The following FBXO28 variants were observed in gnomAD, a reference collection of about 807,000 sequenced individuals.
The protein encoded by FBXO28 is F-box only protein 28.
FBXO28 carries 8 observed loss-of-function variants against 38.1 expected under a neutral mutation model. The observed-to-expected ratio is 0.21, with a 90% confidence interval of 0.12 to 0.38. The LOEUF (loss-of-function observed/expected upper bound fraction) is 0.38, where lower values mean the gene tolerates loss of function less well. FBXO28 is among the 10% of genes least tolerant of loss of function. The probability of loss-of-function intolerance (pLI) is 1.00; values close to 1 mark genes in which losing one functional copy is unlikely to be tolerated. For missense variants in FBXO28, 345 were observed against 460.6 expected (o/e 0.75, Z 2.30); for synonymous variants, 168 against 173.8 (o/e 0.97, Z 0.26).
Position 224,157,465 on chromosome 1 carries a change from A to T in FBXO28, c.826A>T (p.Thr276Ser). The change falls in exon 5 of 5, where the codon ACT becomes TCT. Residue 276 changes from threonine to serine, a missense_variant. This residue lies in a region of FBXO28 where 151 missense variants were observed against 188.3 expected (regional missense o/e 0.80). Transcript: ENST00000366862. The stretch of plus-strand genomic sequence containing the variant: ...GGTTAAAACAAATGGTGCTGGCGTG[A>T]CTGTTCTCAGGCGTGAAATTTCTGA... Reference protein sequence around the residue: ...QQVKTNGAGVTVLRREISELR... With the variant: ...QQVKTNGAGVSVLRREISELR... The T allele has an allele frequency of 6.2e-7, 1 of 1,614,272 alleles. No individual in the cohort carries two copies. The highest frequency in any genetic ancestry group is 1.3e-5 in the African/African-American group (1 of 75,078).
chr1:224,131,268 C>A (rs1049137444), intron 2 of FBXO28, among the ~76,000 whole-genome samples: 1 of 151,374 alleles, frequency 6.6e-6, no homozygotes, highest in Non-Finnish European at 1.5e-5. Context: ...TTTTTGTAAC[C>A]CCTGTCAAAA....
chr1:224,150,329 A>T (rs1222735999), intron 3 of FBXO28, among the ~76,000 whole-genome samples: 1 of 152,192 alleles, frequency 6.6e-6, no homozygotes, highest in Non-Finnish European at 1.5e-5. Flanking sequence ...TGAAAAAATT[A>T]TGGAGTACTG....
At chr1:224,130,440 T>G in intron 1 of FBXO28, 32 bp from the exon 2 acceptor site, 2 of 1,279,524 alleles carry the variant, frequency 1.6e-6, no homozygotes, top group East Asian at 2.6e-5. Context: ...ATTAATTTGG[T>G]TATTGATTTT....
intron 3 of FBXO28, among the ~76,000 whole-genome samples, chr1:224,141,334 G>A (rs1657343350): frequency 6.6e-6 from 1 of 150,684 alleles, no homozygotes; most frequent in East Asian, 2.0e-4. Context: ...AGCCAGGCAT[G>A]GTGGCGGGTG....
At chr1:224,135,634 AAG>A (rs1657162798) in intron 3 of FBXO28, among the ~76,000 whole-genome samples, 14 of 142,396 alleles carry the variant, frequency 9.8e-5, no homozygotes, top group Non-Finnish European at 1.8e-4. Context: ...AAAAAAAAAA[AAG>A]AAAAAGAAAA....
chr1:224,114,529 C>T, intron 1 of FBXO28, 133 bp downstream of exon 1: 1 of 706,264 alleles, frequency 1.4e-6, no homozygotes, highest in Non-Finnish European at 2.3e-6. Flanking sequence ...GGAGCCGCTC[C>T]CGTCCCGAAC....
At position 224,142,398 on chromosome 1, in the gene FBXO28, C is replaced by G. The variant is rs184691555; in HGVS notation, c.516+8186C>G. Among the ~76,000 whole-genome samples the G allele has an allele frequency of 1.1e-3, 166 of 152,046 alleles. 1 individual carries two copies. The East Asian group carries it at 0.018, about 17-fold the overall frequency. ...AGGCATGGTGGCTCATGCCTGTAATCAATCCCAACACCTAGGCCAAGGTAG... is the reference window on the plus strand; with the variant it reads ...AGGCATGGTGGCTCATGCCTGTAATGAATCCCAACACCTAGGCCAAGGTAG... On this transcript the variant is annotated intron_variant, in intron 3 of 4. Transcript: ENST00000366862.
At position 224,132,673 on chromosome 1, in the gene FBXO28, C is replaced by T. The variant is rs149196257; in HGVS notation, c.378-1401C>T. Among the ~76,000 whole-genome samples, 1,035 of 152,012 alleles carry T rather than the reference C, an allele frequency of 6.8e-3. 9 individuals are homozygous for T. Among genetic ancestry groups the T allele is most frequent in the African/African-American group, 0.024 (977 of 41,452 alleles). On this transcript the variant is annotated intron_variant, in intron 2 of 4. Transcript: ENST00000366862. ...TAGGAAAATTAGCCAGGCATGATGT[C>T]GGGTGCCTATAATCCCAGCTTCTTA...
rs552641967 is a variant in FBXO28, at chr1:224,143,621, G to A, written c.516+9409G>A. Among the ~76,000 whole-genome samples, 86 of 151,726 alleles carry A rather than the reference G, an allele frequency of 5.7e-4. 1 individual carries two copies. The highest frequency in any genetic ancestry group is 1.2e-3 in the Admixed American group (19 of 15,212). On this transcript the variant is annotated intron_variant, in intron 3 of 4. Transcript: ENST00000366862. ...GGGCAGATCACGAGGTCAGGTGATC[G>A]AGACCATCCTAGCTAACACGGTAAA...
intron 3 of FBXO28, among the ~76,000 whole-genome samples, chr1:224,139,252 T>C (rs986866267): frequency 1.3e-5 from 2 of 151,898 alleles, no homozygotes; most frequent in Admixed American, 6.6e-5. Flanking sequence ...ATTATTGGCT[T>C]GTATTTATTT....
chr1:224,150,150 C>G (rs77743529), intron 3 of FBXO28, among the ~76,000 whole-genome samples: 2 of 152,236 alleles, frequency 1.3e-5, no homozygotes, highest in Non-Finnish European at 1.5e-5. Context: ...ATGGTGAAAC[C>G]CTGTCTCTAC....
At chr1:224,157,278 T>C (rs1657794897) in intron 4 of FBXO28, 74 bp from the exon 5 acceptor site, 1 of 1,494,596 alleles carries the variant, frequency 6.7e-7, no homozygotes, top group Non-Finnish European at 9.0e-7. Flanking sequence ...GGTATTCCAT[T>C]TTTAAATAAG....
At chr1:224,143,385 G>A (rs935949284) in intron 3 of FBXO28, among the ~76,000 whole-genome samples, 1 of 152,174 alleles carries the variant, frequency 6.6e-6, no homozygotes, top group Non-Finnish European at 1.5e-5. Context: ...ACATGTCTTA[G>A]TGGTCCCAGT....
intron 4 of FBXO28, among the ~76,000 whole-genome samples, chr1:224,153,572 G>T (rs554448944): frequency 6.6e-6 from 1 of 152,210 alleles, no homozygotes; most frequent in East Asian, 1.9e-4. Context: ...GCGGTCTTGC[G>T]ACTAAATCTT....
At chr1:224,128,050 C>A (rs1435792680) in intron 1 of FBXO28, among the ~76,000 whole-genome samples, 2 of 152,046 alleles carry the variant, frequency 1.3e-5, no homozygotes, top group Non-Finnish European at 2.9e-5. Flanking sequence ...TTAAAGCCTT[C>A]TTGAGCTTCA....
chr1:224,146,652 C>T (rs1434197572), intron 3 of FBXO28, among the ~76,000 whole-genome samples: 1 of 151,352 alleles, frequency 6.6e-6, no homozygotes, highest in Non-Finnish European at 1.5e-5. Flanking sequence ...GCTGAGATTA[C>T]AGGCATAAGC....
intron 3 of FBXO28, among the ~76,000 whole-genome samples, chr1:224,147,176 G>A (rs2102630555): frequency 6.6e-6 from 1 of 151,762 alleles, no homozygotes; most frequent in East Asian, 2.0e-4. Flanking sequence ...TATAATCCCA[G>A]CACTTTGGCA....
intron 1 of FBXO28, among the ~76,000 whole-genome samples, chr1:224,117,866 A>G (rs1656677792): frequency 6.6e-6 from 1 of 151,762 alleles, no homozygotes; most frequent in Non-Finnish European, 1.5e-5. Context: ...AAAATTAGCC[A>G]GGCGTGGTGG....
At position 224,157,364 on chromosome 1, in the gene FBXO28, CT is replaced by C; in HGVS notation, c.726del (p.Ala243GlnfsTer3). On this transcript the variant is annotated frameshift_variant, in exon 5 of 5. Coordinates refer to ENST00000366862, the MANE Select transcript of FBXO28 (RefSeq NM_015176.4). LOFTEE classifies it high-confidence loss of function. ...TATTCCTCCACAGTTCCAGGACCGT[CT>C]GCAGCCCTAACAACAATGCAGCTCT... ...LMGSPPVPGP[S>X]AALTTMQLFS... is the part of the protein sequence containing the mutation. The C allele has an allele frequency of 6.2e-7, 1 of 1,609,030 alleles. No individual in the cohort carries two copies. The highest frequency in any genetic ancestry group is 8.5e-7 in the Non-Finnish European group (1 of 1,177,192).
Sources: gnomAD v4.1 joint callset for allele counts (sites outside exome capture counted in the v4.1 genomes callset) on GRCh38, gnomAD v4.1.1 for gene constraint, gnomAD v4.1.1 regional missense constraint, MANE v1.5 for transcripts, NCBI Gene and HGNC (gene_info 2026-07-23, HGNC 2026-07-21) for gene names.